IQCB1: variants seen among roughly 807,000 people sequenced by gnomAD.
The protein encoded by IQCB1 is IQ motif containing B1, also known as IQ calmodulin-binding motif-containing protein 1.
In IQCB1, 56 loss-of-function variants were observed where a neutral mutation model predicts 84.4. That is an observed-to-expected ratio of 0.66 (90% confidence interval 0.54 to 0.83). The LOEUF (loss-of-function observed/expected upper bound fraction) is 0.83, where lower values mean the gene tolerates loss of function less well. Among genes scored for constraint, IQCB1 ranks in the 40% least tolerant of loss-of-function variants. The pLI, the probability that IQCB1 is intolerant of heterozygous loss-of-function variation, is 0.00. For synonymous variants in IQCB1, 210 were observed against 234.8 expected, an observed-to-expected ratio of 0.89 and a Z score of 0.96; for missense variants, 629 against 682.1, an observed-to-expected ratio of 0.92 and a Z score of 0.87.
intron 13 of IQCB1, among the ~76,000 whole-genome samples, chr3:121,780,141 G>A (rs1948411196): frequency 6.6e-6 from 1 of 152,126 alleles, no homozygotes. Flanking sequence ...ATGAAGTCTA[G>A]TTCCCTTGGT....
chr3:121,812,841 A>G (rs1339687618), intron 5 of IQCB1, among the ~76,000 whole-genome samples: 1 of 151,898 alleles, frequency 6.6e-6, no homozygotes, highest in Non-Finnish European at 1.5e-5. Flanking sequence ...GTTGGAAAAC[A>G]CTTCAGGATA....
At chr3:121,804,701 T>A (rs1326637825) in intron 7 of IQCB1, among the ~76,000 whole-genome samples, 1 of 152,184 alleles carries the variant, frequency 6.6e-6, no homozygotes, top group African/African-American at 2.4e-5. Flanking sequence ...GGAATTTTCT[T>A]CATATTTATT....
rs1708207849 is a variant in IQCB1, at chr3:121,835,031, G to A, written c.-167C>T. 1 of 565,294 alleles carries A rather than the reference G, an allele frequency of 1.8e-6. No homozygotes were observed. Among genetic ancestry groups the A allele is most frequent in the South Asian group, 2.1e-5 (1 of 46,828 alleles). The allele number at this position is 565,294 out of a possible 1,614,324, so 35.0% of individuals were successfully genotyped here. ...CTCCCACGCCGCACTACAGCGCCGC[G>A]GCCTTCCGGGGCAGCGTGCGTCGCG... On this transcript the variant is annotated 5_prime_UTR_variant, in exon 1 of 15. Coordinates refer to ENST00000310864, the MANE Select transcript of IQCB1 (RefSeq NM_001023570.4).
In IQCB1 at chr3:121,826,195, C is replaced by G; in HGVS notation, c.264-15G>C. The G allele has an allele frequency of 1.2e-6, 2 of 1,613,312 alleles. No homozygotes were observed. Among genetic ancestry groups the G allele is most frequent in the Non-Finnish European group, 1.7e-6 (2 of 1,179,442 alleles). ...CACAGCAATGGCTGAAATAAGAGCA[C>G]AAGTTCGTGTTAATTAGAAGTTTAT... On this transcript the variant is annotated splice_polypyrimidine_tract_variant and intron_variant, in intron 4 of 14. Transcript: ENST00000310864.
At chr3:121,782,196 C>G (rs541168432) in intron 12 of IQCB1, among the ~76,000 whole-genome samples, 13 of 152,282 alleles carry the variant, frequency 8.5e-5, no homozygotes, top group Admixed American at 5.2e-4. Context: ...CTCTAGAGGA[C>G]AGGTTCTATG....
chr3:121,782,401 G>A (rs1948538375), intron 12 of IQCB1, among the ~76,000 whole-genome samples: 1 of 152,180 alleles, frequency 6.6e-6, no homozygotes, highest in African/African-American at 2.4e-5. Context: ...TCATGTCTTC[G>A]TAGTTTTTAT....
At chr3:121,809,105 G>T in intron 5 of IQCB1, 96 bp from the exon 6 acceptor site, 1 of 707,916 alleles carries the variant, frequency 1.4e-6, no homozygotes, top group Non-Finnish European at 2.4e-6. Context: ...AGAGGATACA[G>T]TTTCTGGATC....
At chr3:121,830,270 AT>A (rs1439204130) in intron 2 of IQCB1, among the ~76,000 whole-genome samples, 1 of 151,732 alleles carries the variant, frequency 6.6e-6, no homozygotes, top group Non-Finnish European at 1.5e-5. Flanking sequence ...TTCTCCTAAC[AT>A]TAAAAAACAA....
chr3:121,817,943 T>C (rs1950135746), intron 5 of IQCB1, among the ~76,000 whole-genome samples: 1 of 152,140 alleles, frequency 6.6e-6, no homozygotes, highest in African/African-American at 2.4e-5. Context: ...AGTGGCTGTC[T>C]GCAAGCCAGG....
rs4311252 is a variant in IQCB1, at chr3:121,795,314, T to C, written c.986+143A>G. The C allele has an allele frequency of 0.24, 161,850 of 683,494 alleles. 21,169 individuals are homozygous for C. Among genetic ancestry groups the C allele is most frequent in the Non-Finnish European group, 0.28 (103,157 of 371,482 alleles). 42.3% of individuals were successfully genotyped at this position (683,494 alleles called of 1,614,324 possible). On this transcript the variant is annotated intron_variant, in intron 10 of 14. Transcript: ENST00000310864. ...GAAAGTGCATCTGGTTACTGGAGTGTTGGTACCCAGAAACGTATGGAAAAA... is the reference window on the plus strand; with the variant it reads ...GAAAGTGCATCTGGTTACTGGAGTGCTGGTACCCAGAAACGTATGGAAAAA...
rs11926958 is a variant in IQCB1, at chr3:121,808,979, A to G, written c.424T>C (p.Phe142Leu). 1.9e-3 allele frequency: 3,015 copies of G among 1,608,856 alleles called. 44 individuals are homozygous for G. The African/African-American group carries it at 0.036, about 19-fold the overall frequency. ...AEEKDELLHF[F>L]QIVTDSLFWL... Reference sequence around the variant, plus strand: ...AAGAGAGAATCAGTCACAATTTGGAAAAAGTGTAGTAATTCATCTTTTTCT... The same window carrying G: ...AAGAGAGAATCAGTCACAATTTGGAGAAAGTGTAGTAATTCATCTTTTTCT... The change falls in exon 6 of 15, where the codon TTC becomes CTC. Residue 142 changes from phenylalanine (F) to leucine (L), a missense_variant. By Grantham distance (22) the Phe-to-Leu change is conservative (BLOSUM62 0). Coordinates refer to ENST00000310864, the MANE Select transcript of IQCB1 (RefSeq NM_001023570.4).
At chr3:121,789,976 C>G in intron 11 of IQCB1, 97 bp downstream of exon 11, 2 of 1,090,620 alleles carry the variant, frequency 1.8e-6, no homozygotes, top group South Asian at 2.6e-5. Flanking sequence ...GACAAAAGTC[C>G]AAATTTAAAA....
At chr3:121,799,100 T>C (rs1949307404) in intron 8 of IQCB1, 96 bp downstream of exon 8, 1 of 877,338 alleles carries the variant, frequency 1.1e-6, no homozygotes, top group African/African-American at 1.7e-5. Context: ...AGGTCAGTTA[T>C]CAACTCTTTA....
intron 13 of IQCB1, among the ~76,000 whole-genome samples, chr3:121,776,999 A>G (rs192354484): frequency 3.6e-4 from 55 of 152,340 alleles, no homozygotes; most frequent in African/African-American, 1.3e-3. Context: ...AAATTTCAAT[A>G]AAGCCAATAT....
chr3:121,799,757 A>G (rs908421459), intron 7 of IQCB1, among the ~76,000 whole-genome samples: 5 of 151,894 alleles, frequency 3.3e-5, no homozygotes, highest in African/African-American at 1.2e-4. Flanking sequence ...TAATTTTTAA[A>G]TGATGTACAA....
chr3:121,781,632 TACACACAC>T (rs57816005), intron 13 of IQCB1, 103 bp downstream of exon 13: 134 of 820,714 alleles, frequency 1.6e-4, no homozygotes, highest in African/African-American at 7.9e-4. Context: ...GCAATAAATG[TACACACAC>T]ACACACACAC....
At chr3:121,781,168 C>T (rs1948472653) in intron 13 of IQCB1, among the ~76,000 whole-genome samples, 1 of 152,096 alleles carries the variant, frequency 6.6e-6, no homozygotes, top group African/African-American at 2.4e-5. Flanking sequence ...AGGGAAATGA[C>T]CTTTGAAGAC....
chr3:121,803,756 T>C (rs1949500041), intron 7 of IQCB1, among the ~76,000 whole-genome samples: 1 of 152,212 alleles, frequency 6.6e-6, no homozygotes. Context: ...CTGATACTAA[T>C]ACAGGTACTT....
In IQCB1 at chr3:121,826,076, T is replaced by G. The variant is rs1950456260; in HGVS notation, c.368A>C (p.Gln123Pro). Reference sequence around the variant, plus strand: ...CTTAGCTGCATTGATAAAACATGTTTGTAATTGTCTCCCCAAAACTAGAAA... The same window carrying G: ...CTTAGCTGCATTGATAAAACATGTTGGTAATTGTCTCCCCAAAACTAGAAA... ...ENFLVLGRQLQTCFINAAKAE... is the reference protein window; with the variant it reads ...ENFLVLGRQLPTCFINAAKAE... The change falls in exon 5 of 15, where the codon CAA becomes CCA. Residue 123 changes from glutamine to proline, a missense_variant. Physicochemically the swap from Gln to Pro is moderately conservative, Grantham distance 76. Transcript: ENST00000310864. The G allele has an allele frequency of 1.2e-6, 2 of 1,613,192 alleles. No individual in the cohort carries two copies. Among genetic ancestry groups the G allele is most frequent in the Non-Finnish European group, 1.7e-6 (2 of 1,179,314 alleles).
Sources: gnomAD v4.1 joint callset for allele counts (sites outside exome capture counted in the v4.1 genomes callset) on GRCh38, gnomAD v4.1.1 for gene constraint, MANE v1.5 for transcripts, NCBI Gene and HGNC (gene_info 2026-07-23, HGNC 2026-07-21) for gene names.